The following SYTL2 variants were observed in gnomAD, a reference collection of about 807,000 sequenced individuals.
The protein encoded by SYTL2 is synaptotagmin like 2, also known as synaptotagmin-like protein 2.
SYTL2 carries 165 observed loss-of-function variants against 198.7 expected under a neutral mutation model. That is an observed-to-expected ratio of 0.83 (90% confidence interval 0.73 to 0.94). SYTL2 has a LOEUF of 0.94. Among genes scored for constraint, SYTL2 ranks in the 40% least tolerant of loss-of-function variants. The pLI is 0.00. For missense variants in SYTL2, 2,835 were observed against 2,582.8 expected (o/e 1.10, Z -2.12); for synonymous variants, 966 against 917.7 (o/e 1.05, Z -0.95).
chr11:85,710,454 C>T (rs2086052924), intron 13 of SYTL2, among the ~76,000 whole-genome samples: 1 of 152,212 alleles, frequency 6.6e-6, no homozygotes, highest in Admixed American at 6.5e-5. Context: ...CTTCAGCATA[C>T]TTGGGTGAAT....
upstream of SYTL2, among the ~76,000 whole-genome samples, chr11:85,812,659 G>T (rs2093050150): frequency 6.6e-6 from 1 of 152,206 alleles, no homozygotes; most frequent in Admixed American, 6.5e-5. Context: ...GATTGAAGGG[G>T]TGACAGAAGA....
rs1208252595 is a variant in SYTL2 at position 85,793,715 on chromosome 11, G to T, written c.-390+17239C>A. Among the ~76,000 whole-genome samples the T allele has an allele frequency of 2.0e-5, 3 of 152,240 alleles. No homozygotes were observed. The East Asian group carries it at 5.8e-4, about 29-fold the overall frequency. ...ATTGTTCCAACAGACAAAGAAATAGGCATATCCATGGTTAAAATCTCACAG... is the reference window on the plus strand; with the variant it reads ...ATTGTTCCAACAGACAAAGAAATAGTCATATCCATGGTTAAAATCTCACAG... On this transcript the variant is annotated intron_variant, in intron 1 of 19. Transcript: ENST00000359152.
At chr11:85,833,259 G>A in the SYTL2 span, among the ~76,000 whole-genome samples, 6 of 148,838 alleles carry the variant, frequency 4.0e-5, no homozygotes, top group African/African-American at 1.5e-4. Context: ...ATCTATCATT[G>A]CCAGACTCCA....
the SYTL2 span, chr11:85,853,050 G>A: frequency 7.6e-5 from 22 of 290,204 alleles, no homozygotes; most frequent in Non-Finnish European, 1.3e-4. Context: ...AGTGAGGAGC[G>A]CCTCCGCCCG....
chr11:85,805,281 A>C (rs1222586182), intron 1 of SYTL2, among the ~76,000 whole-genome samples: 1 of 151,362 alleles, frequency 6.6e-6, no homozygotes, highest in South Asian at 2.1e-4. Context: ...GCTTGAGCCC[A>C]GGAGTTCAAG....
chr11:85,830,972 A>G, the SYTL2 span, among the ~76,000 whole-genome samples: 2 of 152,210 alleles, frequency 1.3e-5, no homozygotes, highest in African/African-American at 4.8e-5. Context: ...TCTTCGCCAG[A>G]TTCATGGAAG....
chr11:85,764,255 T>A (rs1004572998), intron 1 of SYTL2, among the ~76,000 whole-genome samples: 2 of 152,240 alleles, frequency 1.3e-5, no homozygotes, highest in Non-Finnish European at 2.9e-5. Context: ...CCTCACATGT[T>A]GTTCTCTAAG....
chr11:85,801,270 C>A (rs2153648301), intron 1 of SYTL2, among the ~76,000 whole-genome samples: 1 of 151,952 alleles, frequency 6.6e-6, no homozygotes, highest in Admixed American at 6.5e-5. Flanking sequence ...TTTGGAAATA[C>A]AAAAAGGGGC....
intron 17 of SYTL2, among the ~76,000 whole-genome samples, chr11:85,699,032 T>A (rs1409097976): frequency 6.6e-6 from 1 of 152,204 alleles, no homozygotes; most frequent in East Asian, 1.9e-4. Flanking sequence ...TTAGTGAGGA[T>A]CTATCATAAG....
intron 18 of SYTL2, 24 bp from the exon 19 acceptor site, chr11:85,696,412 G>A: frequency 6.3e-7 from 1 of 1,584,026 alleles, no homozygotes; most frequent in South Asian, 1.1e-5. Flanking sequence ...CATGATTGTG[G>A]GAGCATTTTA....
chr11:85,696,296 T>C lies in SYTL2; in HGVS notation c.6461A>G (p.Tyr2154Cys), dbSNP rs751435586. ...CAGATCTTCAGGCCTGAACCCATCA[T>C]ACACCATAGTGTGGTTGAAGATAGG... ...TNPIFNHTMV[Y>C]DGFRPEDLME... is the part of the protein sequence containing the mutation. Residue 2154 changes from tyrosine (Y) to cysteine (C), a missense_variant, in exon 19 of 20, where the codon TAT becomes TGT. Transcript: ENST00000359152. 1.5e-5 allele frequency: 25 copies of C among 1,614,114 alleles called. No homozygotes were observed. Among genetic ancestry groups the C allele is most frequent in the Admixed American group, 5.0e-5 (3 of 60,024 alleles).
At position 85,725,308 on chromosome 11, in the gene SYTL2, C is replaced by T. The variant is rs768102893; in HGVS notation, c.4050G>A (p.Thr1350=). The T allele has an allele frequency of 1.2e-5, 20 of 1,614,032 alleles. No individual in the cohort carries two copies. The highest frequency in any genetic ancestry group is 1.7e-5 in the Admixed American group (1 of 60,008). The change falls in exon 8 of 20, where the codon ACG becomes ACA. Residue 1350 remains threonine (T), a synonymous_variant. Coordinates refer to ENST00000359152, the MANE Select transcript of SYTL2 (RefSeq NM_206927.4). ...CTTTCTCTACAGTCTCCGAAATTTC[C>T]GTTTGAGAAGGGTGTACCCTAGCCT... ...VPQARVHPSQ[T]EISETVEKVI...
chr11:85,797,391 G>A (rs2092818613), intron 1 of SYTL2, among the ~76,000 whole-genome samples: 2 of 152,122 alleles, frequency 1.3e-5, no homozygotes, highest in Non-Finnish European at 2.9e-5. Context: ...ACTTTGGGAG[G>A]CTGAGGTGGG....
At chr11:85,812,333 G>A (rs186920240), upstream of SYTL2, among the ~76,000 whole-genome samples, 165 of 152,144 alleles carry the variant, frequency 1.1e-3, no homozygotes, top group African/African-American at 3.8e-3. Context: ...TATCCCCAAG[G>A]GCTTCAGTTA....
intron 9 of SYTL2, among the ~76,000 whole-genome samples, chr11:85,720,269 A>G (rs570934529): frequency 1.3e-5 from 2 of 152,354 alleles, no homozygotes; most frequent in Admixed American, 1.3e-4. Flanking sequence ...TCAACTCCGT[A>G]TCATGCAAAA....
intron 2 of SYTL2, among the ~76,000 whole-genome samples, chr11:85,748,626 A>G (rs1042846393): frequency 1.3e-5 from 2 of 152,226 alleles, no homozygotes; most frequent in Non-Finnish European, 1.5e-5. Context: ...ATTTTTTCAA[A>G]TAAAGGTTTA....
chr11:85,846,131 G>C, the SYTL2 span, among the ~76,000 whole-genome samples: 1 of 152,184 alleles, frequency 6.6e-6, no homozygotes, highest in African/African-American at 2.4e-5. Context: ...GGTGGGGTCA[G>C]CTAGAATGGT....
chr11:85,848,556 T>C, the SYTL2 span, among the ~76,000 whole-genome samples: 5 of 152,244 alleles, frequency 3.3e-5, no homozygotes, highest in African/African-American at 1.2e-4. Context: ...AAGATTATGC[T>C]TTGCTTATCG....
chr11:85,769,262 T>G (rs923966301), intron 1 of SYTL2, among the ~76,000 whole-genome samples: 1 of 152,180 alleles, frequency 6.6e-6, no homozygotes, highest in African/African-American at 2.4e-5. Context: ...TGTGGGGAGA[T>G]TATCCTAGAT....
Sources: allele counts gnomAD v4.1 joint callset (sites outside exome capture counted in the v4.1 genomes callset), GRCh38; gene constraint gnomAD v4.1.1; transcripts MANE v1.5; gene names NCBI Gene and HGNC (gene_info 2026-07-23, HGNC 2026-07-21).